Variants in ZFHX3 observed in about 807,000 individuals in gnomAD.
ZFHX3 encodes zinc finger homeobox protein 3.
ZFHX3 carries 42 observed loss-of-function variants against 279.1 expected under a neutral mutation model. The observed-to-expected ratio is 0.15, with a 90% confidence interval of 0.12 to 0.19. The LOEUF (loss-of-function observed/expected upper bound fraction) is 0.19. Ranked by LOEUF, ZFHX3 falls within the 10% of genes least tolerant of loss-of-function variation. The probability of loss-of-function intolerance (pLI) is 1.00; values close to 1 mark genes in which losing one functional copy is unlikely to be tolerated. For synonymous variants in ZFHX3, 2,293 were observed against 1,957.8 expected (o/e 1.17, Z -4.52); for missense variants, 4,981 against 4,754.0 (o/e 1.05, Z -1.40).
intron 4 of ZFHX3, among the ~76,000 whole-genome samples, chr16:72,848,199 C>G (rs1437088833): frequency 6.6e-6 from 1 of 152,076 alleles, no homozygotes; most frequent in African/African-American, 2.4e-5. Context: ...ACTAATTGCT[C>G]TTGGGGATGC....
At chr16:72,957,329 CAG>C in intron 2 of ZFHX3, 96 bp downstream of exon 2, 1 of 1,413,712 alleles carries the variant, frequency 7.1e-7, no homozygotes. Context: ...TCGAGAAGAC[CAG>C]AGTCAACTGA....
At position 72,958,505 on chromosome 16, in the gene ZFHX3, T is replaced by C; in HGVS notation, c.1641A>G (p.Thr547=). 6.2e-7 allele frequency: 1 copy of C among 1,614,102 alleles called. No homozygotes were observed. The highest frequency in any genetic ancestry group is 1.1e-5 in the South Asian group (1 of 91,086). Residue 547 remains threonine, a synonymous_variant, in exon 2 of 10, where the codon ACA becomes ACG. Coordinates refer to ENST00000268489, the MANE Select transcript of ZFHX3 (RefSeq NM_006885.4). ...AAGCAGAATTAGAACTAGTAGAAGC[T>C]GTGCCCCTCGACAGGGTCTGGAGCA... ...PNVLQTLSRG[T]ASTSSNSASS...
chr16:72,887,962 T>G (rs2038672846), intron 4 of ZFHX3, among the ~76,000 whole-genome samples: 1 of 151,942 alleles, frequency 6.6e-6, no homozygotes, highest in South Asian at 2.1e-4. Flanking sequence ...TGGGTGTAGG[T>G]GTGTACACGG....
chr16:73,319,566 G>T (rs2015530658), intron 3 of ZFHX3, among the ~76,000 whole-genome samples: 3 of 151,706 alleles, frequency 2.0e-5, no homozygotes, highest in South Asian at 4.2e-4. Flanking sequence ...GGGGCGGGGG[G>T]TTGGTTAAGT....
At chr16:73,240,992 C>T (rs79333636) in intron 5 of ZFHX3, among the ~76,000 whole-genome samples, 1 of 152,204 alleles carries the variant, frequency 6.6e-6, no homozygotes, top group Admixed American at 6.5e-5. Flanking sequence ...TTGGCACTCA[C>T]CAGAAGTTGT....
intron 2 of ZFHX3, among the ~76,000 whole-genome samples, chr16:73,550,150 G>A (rs2020181922): frequency 6.6e-6 from 1 of 152,150 alleles, no homozygotes; most frequent in African/African-American, 2.4e-5. Context: ...AGGTCCCCCA[G>A]GAGTACTTCG....
chr16:73,458,548 G>C (rs545855077), intron 2 of ZFHX3, among the ~76,000 whole-genome samples: 1 of 152,102 alleles, frequency 6.6e-6, no homozygotes, highest in Admixed American at 6.5e-5. Flanking sequence ...GCTAATTTTT[G>C]TATTTCACCA....
chr16:73,184,949 T>TA (rs1199566300), intron 5 of ZFHX3, among the ~76,000 whole-genome samples: 2 of 152,012 alleles, frequency 1.3e-5, no homozygotes, highest in Non-Finnish European at 2.9e-5. Flanking sequence ...GCACAGCAGA[T>TA]ATTGTGTGCA....
At chr16:73,011,988 T>G (rs189336525) in intron 1 of ZFHX3, among the ~76,000 whole-genome samples, 1 of 151,872 alleles carries the variant, frequency 6.6e-6, no homozygotes, top group Non-Finnish European at 1.5e-5. Flanking sequence ...CTGCCACCAC[T>G]GAAATACTAT....
At chr16:72,866,311 C>G (rs865787336) in intron 4 of ZFHX3, among the ~76,000 whole-genome samples, 1 of 152,214 alleles carries the variant, frequency 6.6e-6, no homozygotes, top group Non-Finnish European at 1.5e-5. Flanking sequence ...CCTCACTTAA[C>G]TGTCAAACAA....
chr16:73,135,871 T>C (rs546718815), intron 6 of ZFHX3, among the ~76,000 whole-genome samples: 1 of 151,976 alleles, frequency 6.6e-6, no homozygotes, highest in Non-Finnish European at 1.5e-5. Flanking sequence ...CTTTTTTTTT[T>C]TTTTGAGACA....
intron 7 of ZFHX3, among the ~76,000 whole-genome samples, chr16:73,115,653 G>C (rs1056053693): frequency 3.3e-5 from 5 of 152,118 alleles, no homozygotes; most frequent in African/African-American, 1.2e-4. Context: ...CCTCCTCAAG[G>C]GCAGGCGTAG....
chr16:73,073,460 TA>T (rs1965848567), intron 8 of ZFHX3, among the ~76,000 whole-genome samples: 1 of 152,224 alleles, frequency 6.6e-6, no homozygotes, highest in Non-Finnish European at 1.5e-5. Flanking sequence ...GTTCTAATTT[TA>T]AACTTCTAAA....
chr16:73,157,189 G>A (rs1967109373), intron 5 of ZFHX3, among the ~76,000 whole-genome samples: 1 of 152,120 alleles, frequency 6.6e-6, no homozygotes, highest in African/African-American at 2.4e-5. Flanking sequence ...GTCTCCTTTA[G>A]TTCCCTTTCC....
chr16:73,639,032 T>C (rs1299804404), intron 2 of ZFHX3, among the ~76,000 whole-genome samples: 1 of 152,104 alleles, frequency 6.6e-6, no homozygotes, highest in African/African-American at 2.4e-5. Context: ...GACACAGAAA[T>C]AGATGAGCTA....
chr16:73,083,986 A>C (rs1965979253), intron 8 of ZFHX3, among the ~76,000 whole-genome samples: 2 of 152,138 alleles, frequency 1.3e-5, no homozygotes, highest in Admixed American at 6.5e-5. Context: ...CCCACATCCC[A>C]AGGGACATTT....
intron 2 of ZFHX3, among the ~76,000 whole-genome samples, chr16:73,526,151 G>A (rs1191536811): frequency 6.6e-6 from 1 of 152,164 alleles, no homozygotes; most frequent in East Asian, 1.9e-4. Context: ...GCCAGTCCAG[G>A]GCAGCTGTGA....
chr16:73,401,569 T>C (rs766313686), intron 3 of ZFHX3: 2 of 152,026 alleles, frequency 1.3e-5, no homozygotes, highest in Non-Finnish European at 2.9e-5. Flanking sequence ...ACAGGGGACG[T>C]GCTGAATTCT....
intron 3 of ZFHX3, among the ~76,000 whole-genome samples, chr16:73,351,782 C>T (rs531310710): frequency 2.0e-5 from 3 of 151,306 alleles, no homozygotes; most frequent in Non-Finnish European, 4.5e-5. Flanking sequence ...CTCCAGCCTT[C>T]CAGGGGGGCA....
Sources: gnomAD v4.1 joint callset for allele counts (sites outside exome capture counted in the v4.1 genomes callset) on GRCh38, gnomAD v4.1.1 for gene constraint, MANE v1.5 for transcripts, NCBI Gene and HGNC (gene_info 2026-07-23, HGNC 2026-07-21) for gene names.